The following PSD2 variants were observed in gnomAD, a reference collection of about 807,000 sequenced individuals.
PSD2 encodes the protein pleckstrin and Sec7 domain containing 2.
In PSD2, 38 loss-of-function variants were observed where a neutral mutation model predicts 69.8. The observed-to-expected ratio is 0.54, with a 90% CI of 0.42 to 0.71. The LOEUF (loss-of-function observed/expected upper bound fraction) is 0.71, where lower values mean the gene tolerates loss of function less well. Ranked by LOEUF, PSD2 falls within the 30% of genes least tolerant of loss-of-function variation. The pLI is 0.00. For synonymous variants in PSD2, 412 were observed against 423.0 expected, an observed-to-expected ratio of 0.97 and a Z score of 0.32; for missense variants, 943 against 1,014.5, an observed-to-expected ratio of 0.93 and a Z score of 0.96.
chr5:139,757,430 C>T, the PSD2 span, among the ~76,000 whole-genome samples: 1 of 152,186 alleles, frequency 6.6e-6, no homozygotes, highest in Admixed American at 6.5e-5. Context: ...TTTTGAGCAT[C>T]AGATGTAGTG....
chr5:139,819,592 A>G (rs1760204325), intron 5 of PSD2, among the ~76,000 whole-genome samples: 1 of 152,160 alleles, frequency 6.6e-6, no homozygotes, highest in African/African-American at 2.4e-5. Flanking sequence ...ATAATCAGCA[A>G]TGCCCCCAGG....
chr5:139,794,824 G>C (rs1561588477), upstream of PSD2, among the ~76,000 whole-genome samples: 1 of 152,164 alleles, frequency 6.6e-6, no homozygotes. Flanking sequence ...GCCCTTTAAT[G>C]CCTCTCTGAG....
chr5:139,821,431 G>A (rs571477199), intron 5 of PSD2, among the ~76,000 whole-genome samples: 1 of 152,306 alleles, frequency 6.6e-6, no homozygotes, highest in East Asian at 1.9e-4. Flanking sequence ...TCAAACTTGG[G>A]GTAGGGGAGG....
chr5:139,809,787 C>A lies in PSD2; in HGVS notation c.347C>A (p.Pro116Gln). Residue 116 changes from proline to glutamine, a missense_variant, in exon 2 of 15, where the codon CCA (proline) becomes CAA (glutamine). By Grantham distance (76) the Pro-to-Gln change is moderately conservative. Around this residue, in one of 3 missense-constraint regions of PSD2, gnomAD observed 466 missense variants for 445.0 expected, o/e 1.05. Transcript: ENST00000274710. ...GACAATGCTTCCAGGAGCCTCTACC[C>A]AGATGCTGAGGACCCTCAGCTGGGG... is the stretch of plus-strand genomic sequence containing the variant. ...EGDNASRSLY[P>Q]DAEDPQLGLD... The A allele has an allele frequency of 6.2e-7, 1 of 1,614,180 alleles. No homozygotes were observed. Among genetic ancestry groups the A allele is most frequent in the African/African-American group, 1.3e-5 (1 of 75,058 alleles).
chr5:139,747,368 C>T, the PSD2 span, among the ~76,000 whole-genome samples: 1 of 152,296 alleles, frequency 6.6e-6, no homozygotes, highest in South Asian at 2.1e-4. This position sits in a 1 kb window ranked among gnomAD's most constrained non-coding sequence, Gnocchi z 6.7. Context: ...GCAGCCTCCC[C>T]CCCAGCTGTT....
At chr5:139,783,939 A>C in the PSD2 span, among the ~76,000 whole-genome samples, 1 of 94,396 alleles carries the variant, frequency 1.1e-5, no homozygotes, top group Non-Finnish European at 2.0e-5. Flanking sequence ...TCCTTCTGCT[A>C]GCTCTTTTTT....
In PSD2 at chr5:139,840,040, G is replaced by A. The variant is rs200345805; in HGVS notation, c.1982G>A (p.Arg661Gln). 4.0e-5 allele frequency: 64 copies of A among 1,614,094 alleles called. No homozygotes were observed. The highest frequency in any genetic ancestry group is 4.8e-5 in the Non-Finnish European group (57 of 1,180,048). Residue 661 changes from arginine to glutamine, a missense_variant, in exon 14 of 15, where the codon CGG (arginine) becomes CAG (glutamine). Around this residue, in one of 3 missense-constraint regions of PSD2, gnomAD observed 165 missense variants for 168.8 expected, o/e 0.98. Coordinates refer to ENST00000274710, the MANE Select transcript of PSD2 (RefSeq NM_032289.4). ...TTRLCQEEQL[R>Q]SHENKLRQLT... is the part of the protein sequence containing the mutation. ...TTGTCTTTGCAGGAGGAGCAACTGC[G>A]GTCTCATGAGAATAAGTTGAGGCAG...
chr5:139,814,208 C>G lies in PSD2; in HGVS notation c.860C>G (p.Ser287Cys), dbSNP rs762650603. The G allele has an allele frequency of 4.8e-5, 78 of 1,613,724 alleles. No individual in the cohort carries two copies. The highest frequency in any genetic ancestry group is 6.4e-5 in the Non-Finnish European group (76 of 1,179,894). The change falls in exon 4 of 15, where the codon TCT becomes TGT. Residue 287 changes from serine to cysteine, a missense_variant. Ser to Cys is a moderately radical substitution (Grantham distance 112, BLOSUM62 -1). Around this residue, in one of 3 missense-constraint regions of PSD2, gnomAD observed 466 missense variants for 445.0 expected, o/e 1.05. Coordinates refer to ENST00000274710, the MANE Select transcript of PSD2 (RefSeq NM_032289.4). This position sits in a 1 kb window ranked among gnomAD's most constrained non-coding sequence, Gnocchi z 4.4. The stretch of plus-strand genomic sequence containing the variant: ...AAGGATGGCCTGTCAGACTCAGACT[C>G]TGAGCTCAGCAGCTCGGAGGGGTTG... ...SLKDGLSDSD[S>C]ELSSSEGLEP...
the PSD2 span, among the ~76,000 whole-genome samples, chr5:139,787,392 TG>T: frequency 2.5e-3 from 379 of 152,304 alleles, 1 homozygote; most frequent in African/African-American, 8.4e-3. Context: ...AGGGGTGCTC[TG>T]GGGTAAGTCA....
chr5:139,825,855 A>G (rs1760403224), intron 7 of PSD2, among the ~76,000 whole-genome samples: 1 of 152,156 alleles, frequency 6.6e-6, no homozygotes, highest in Non-Finnish European at 1.5e-5. Context: ...ATTCAAAGCT[A>G]TGGGACTGGC....
chr5:139,800,528 G>T (rs1759645646), intron 1 of PSD2, among the ~76,000 whole-genome samples: 3 of 152,164 alleles, frequency 2.0e-5, no homozygotes, highest in South Asian at 4.1e-4. Context: ...GCCCTCCTTG[G>T]CTTCCCAAAG....
intron 5 of PSD2, among the ~76,000 whole-genome samples, chr5:139,819,833 G>T (rs1007484343): frequency 1.8e-4 from 28 of 152,196 alleles, no homozygotes; most frequent in African/African-American, 6.8e-4. Flanking sequence ...GTTCAGCGGG[G>T]TCAGCTCATG....
rs1760022571 is a variant in PSD2, at chr5:139,813,390, G to T, written c.453G>T (p.Arg151=). ...FEKILESELL[R]GTQYSSLDSL... The stretch of plus-strand genomic sequence containing the variant: ...AGATTCTGGAGTCAGAGCTGCTGCG[G>T]GGCACCCAGTACAGCAGCCTCGACT... The change falls in exon 3 of 15, where the codon CGG becomes CGT. Residue 151 remains arginine, a synonymous_variant. Transcript: ENST00000274710. 6.2e-7 allele frequency: 1 copy of T among 1,607,840 alleles called. No individual in the cohort carries two copies. Among genetic ancestry groups the T allele is most frequent in the Non-Finnish European group, 8.5e-7 (1 of 1,175,016 alleles).
chr5:139,806,533 C>G (rs1332024858), intron 1 of PSD2, among the ~76,000 whole-genome samples: 1 of 152,220 alleles, frequency 6.6e-6, no homozygotes, highest in Non-Finnish European at 1.5e-5. Context: ...AAGGGTGGAG[C>G]ACAGCTGCCT....
chr5:139,827,702 G>A (rs899095275), intron 7 of PSD2, among the ~76,000 whole-genome samples: 3 of 152,184 alleles, frequency 2.0e-5, no homozygotes, highest in Non-Finnish European at 2.9e-5. Context: ...TGGCGGAAGG[G>A]GAAGCAGGCA....
chr5:139,791,549 G>C (rs1395192227), upstream of PSD2, among the ~76,000 whole-genome samples: 3 of 152,076 alleles, frequency 2.0e-5, no homozygotes, highest in Non-Finnish European at 4.4e-5. Context: ...AGCTAACACT[G>C]TACTCAGGTT....
At chr5:139,794,941 G>T (rs966267945), upstream of PSD2, among the ~76,000 whole-genome samples, 1 of 152,146 alleles carries the variant, frequency 6.6e-6, no homozygotes, top group Non-Finnish European at 1.5e-5. Flanking sequence ...GGGCTGAGGG[G>T]GGCGGCTTCA....
rs762505580 is a variant in PSD2 at position 139,837,177 on chromosome 5, G to A, written c.1604G>A (p.Gly535Glu). 1.2e-6 allele frequency: 2 copies of A among 1,614,124 alleles called. No individual in the cohort carries two copies. The change falls in exon 11 of 15, where the codon GGG becomes GAG. Residue 535 changes from glycine to glutamate, a missense_variant. This residue lies in a region of PSD2 where 312 missense variants were observed against 400.7 expected (regional missense o/e 0.78). Coordinates refer to ENST00000274710, the MANE Select transcript of PSD2 (RefSeq NM_032289.4). The surrounding 1 kb of genome is among the most constrained non-coding windows in gnomAD (Gnocchi z 5.0). ...GTGCCCTCCTCCCCAGCGCCCCGTG[G>A]GAGGCGTGGCTGGAAGAAATTCTAC... is the stretch of plus-strand genomic sequence containing the variant. ...ADMDGKRTPRGRRGWKKFYAV... is the reference protein window; with the variant it reads ...ADMDGKRTPRERRGWKKFYAV...
At chr5:139,757,358 G>A in the PSD2 span, among the ~76,000 whole-genome samples, 3 of 152,314 alleles carry the variant, frequency 2.0e-5, no homozygotes, top group East Asian at 3.9e-4. Flanking sequence ...TCTGTGAAAG[G>A]GGGTTCACAA....
Sources: allele counts gnomAD v4.1 joint callset (sites outside exome capture counted in the v4.1 genomes callset), GRCh38; gene constraint gnomAD v4.1.1; regional missense constraint gnomAD v4.1.1; non-coding constraint Gnocchi (gnomAD v3.1); transcripts MANE v1.5; gene names NCBI Gene and HGNC (gene_info 2026-07-23, HGNC 2026-07-21).